GMNN: variants seen among roughly 807,000 people sequenced by gnomAD.
GMNN encodes the protein geminin DNA replication inhibitor, also known as geminin.
Under a neutral mutation model 20.9 loss-of-function variants are expected in GMNN, and 14 were observed. The ratio of observed to expected loss-of-function variants is 0.67; its 90% CI spans 0.44 to 1.05. The LOEUF (loss-of-function observed/expected upper bound fraction) is 1.05. Ranked by LOEUF, GMNN falls within the 50% of genes least tolerant of loss-of-function variation. GMNN has a pLI of 0.00. For missense variants in GMNN, 227 were observed against 243.8 expected (o/e 0.93, Z 0.46); for synonymous variants, 81 against 85.8 (o/e 0.94, Z 0.31).
intron 2 of GMNN, among the ~76,000 whole-genome samples, chr6:24,779,924 TCTA>T (rs1409877503): frequency 6.6e-6 from 1 of 152,198 alleles, no homozygotes; most frequent in African/African-American, 2.4e-5. Context: ...CAGAACTGCT[TCTA>T]CTATCAGGTA....
chr6:24,778,000 C>T (rs572262220), intron 2 of GMNN, among the ~76,000 whole-genome samples: 78 of 152,268 alleles, frequency 5.1e-4, no homozygotes, highest in African/African-American at 1.8e-3. Flanking sequence ...CTATATGATA[C>T]TTTCACTGGA....
At chr6:24,777,124 A>G in intron 1 of GMNN, 98 bp from the exon 2 acceptor site, 1 of 435,034 alleles carries the variant, frequency 2.3e-6, no homozygotes. Flanking sequence ...AAAAAATAAT[A>G]GTTCTACTGT....
intron 1 of GMNN, 46 bp downstream of exon 1, chr6:24,775,290 G>A (rs1029486564): frequency 2.0e-5 from 3 of 152,476 alleles, no homozygotes; most frequent in African/African-American, 7.2e-5. Context: ...CCGGGGCGGG[G>A]TTGGGAGGTG....
intron 2 of GMNN, among the ~76,000 whole-genome samples, chr6:24,780,360 AT>A (rs941840669): frequency 6.6e-6 from 1 of 152,250 alleles, no homozygotes; most frequent in Admixed American, 6.5e-5. Context: ...AAGAGCATGC[AT>A]TGAAATGAGA....
intron 2 of GMNN, among the ~76,000 whole-genome samples, chr6:24,780,303 T>C (rs1418180824): frequency 6.6e-6 from 1 of 152,220 alleles, no homozygotes; most frequent in African/African-American, 2.4e-5. Flanking sequence ...CTGAGGAATT[T>C]TGTTACGTTT....
At chr6:24,781,131 GA>G (rs1260878145) in intron 3 of GMNN, among the ~76,000 whole-genome samples, 2 of 152,092 alleles carry the variant, frequency 1.3e-5, no homozygotes, top group Non-Finnish European at 2.9e-5. Flanking sequence ...TTAAACCTGG[GA>G]GGTGGAGGTT....
intron 6 of GMNN, 56 bp downstream of exon 6, chr6:24,784,610 G>A: frequency 3.7e-6 from 3 of 800,436 alleles, no homozygotes; most frequent in South Asian, 3.0e-5. Context: ...ATAAAGTTGA[G>A]GTAGTGTAGT....
chr6:24,779,111 T>C (rs1267677441), intron 2 of GMNN, among the ~76,000 whole-genome samples: 1 of 152,198 alleles, frequency 6.6e-6, no homozygotes, highest in African/African-American at 2.4e-5. Context: ...ACTAGATCCT[T>C]GTGAGTTGCA....
In GMNN at chr6:24,780,640, AATGAATTATG is replaced by A. The variant is rs1780187321; in HGVS notation, c.52-22_52-13del. On this transcript the variant is annotated splice_polypyrimidine_tract_variant and intron_variant, in intron 2 of 6. Transcript: ENST00000230056. Reference sequence around the variant, plus strand: ...CCATATTGCAACTCAGTAACAAGATAATGAATTATGCTGACTTTTTAGAATAGTTCTGTCC... The same window carrying A: ...CCATATTGCAACTCAGTAACAAGATACTGACTTTTTAGAATAGTTCTGTCC... 7.3e-7 allele frequency: 1 copy of A among 1,361,522 alleles called. No individual in the cohort carries two copies. The allele number at this position is 1,361,522 out of a possible 1,614,324, so 84.3% of individuals were successfully genotyped here.
intron 2 of GMNN, among the ~76,000 whole-genome samples, chr6:24,778,996 G>A (rs1562191467): frequency 6.6e-6 from 1 of 152,084 alleles, no homozygotes; most frequent in African/African-American, 2.4e-5. Flanking sequence ...AGGATACTAG[G>A]TTCTGTTTGG....
Position 24,785,746 on chromosome 6 carries a change from A to G in GMNN, c.577A>G (p.Thr193Ala), listed in dbSNP as rs771779829. The G allele has an allele frequency of 1.9e-6, 3 of 1,590,098 alleles. No homozygotes were observed. Among genetic ancestry groups the G allele is most frequent in the Non-Finnish European group, 2.6e-6 (3 of 1,164,292 alleles). ...DSLVEDSEIG[T>A]CAEGTVSSST... is the part of the protein sequence containing the mutation. ...TCTAGTGGAAGACTCAGAAATTGGC[A>G]CGTGTGCTGAAGGAACTGTATCTTC... The change falls in exon 7 of 7, where the codon ACG (threonine) becomes GCG (alanine). Residue 193 changes from threonine (T) to alanine (A), a missense_variant. By Grantham distance (58) the Thr-to-Ala change is moderately conservative. Transcript: ENST00000230056.
At chr6:24,778,923 G>A (rs1390542692) in intron 2 of GMNN, among the ~76,000 whole-genome samples, 1 of 152,120 alleles carries the variant, frequency 6.6e-6, no homozygotes, top group Non-Finnish European at 1.5e-5. Flanking sequence ...TATATTTCCA[G>A]CAGATTACAT....
chr6:24,780,635 A>G (rs1241510121), intron 2 of GMNN, 28 bp from the exon 3 acceptor site: 2 of 1,281,206 alleles, frequency 1.6e-6, no homozygotes, highest in East Asian at 2.3e-5. Flanking sequence ...ACTCAGTAAC[A>G]AGATAATGAA....
At position 24,781,504 on chromosome 6, in the gene GMNN, C is replaced by A; in HGVS notation, c.157C>A (p.His53Asn). 1 of 1,596,886 alleles carries A rather than the reference C, an allele frequency of 6.3e-7. No individual in the cohort carries two copies. Among genetic ancestry groups the A allele is most frequent in the Non-Finnish European group, 8.6e-7 (1 of 1,166,812 alleles). The part of the protein sequence containing the change: ...ELSAGLSKRK[H>N]RNDHLTSTTS... Reference sequence around the variant, plus strand: ...GTCCGCAGGCTTGTCCAAAAGGAAACATCGGAATGACCACTTAACATCTAC... The same window carrying A: ...GTCCGCAGGCTTGTCCAAAAGGAAAAATCGGAATGACCACTTAACATCTAC... The change falls in exon 4 of 7, where the codon CAT (histidine) becomes AAT (asparagine). Residue 53 changes from histidine (H) to asparagine (N), a missense_variant. Coordinates refer to ENST00000230056, the MANE Select transcript of GMNN (RefSeq NM_015895.5).
rs776151277 is a variant in GMNN at position 24,777,239 on chromosome 6, T to G, written c.-8T>G. The G allele has an allele frequency of 7.4e-7, 1 of 1,358,586 alleles. No individual in the cohort carries two copies. The highest frequency in any genetic ancestry group is 2.2e-5 in the Admixed American group (1 of 46,334). The allele number at this position is 1,358,586 out of a possible 1,614,324, so 84.2% of individuals were successfully genotyped here. On this transcript the variant is annotated 5_prime_UTR_variant, in exon 2 of 7. Transcript: ENST00000230056. ...ATTACTAGTCTTCTGTGCTTCACCATCTACATAATGAATCCCAGTATGAAG... is the reference window on the plus strand; with the variant it reads ...ATTACTAGTCTTCTGTGCTTCACCAGCTACATAATGAATCCCAGTATGAAG...
At chr6:24,784,780 A>G (rs1780305671) in intron 6 of GMNN, among the ~76,000 whole-genome samples, 1 of 152,116 alleles carries the variant, frequency 6.6e-6, no homozygotes, top group Non-Finnish European at 1.5e-5. Context: ...CCTACCTTAT[A>G]GACTTGTTAT....
At chr6:24,777,138 A>G (rs755405989) in intron 1 of GMNN, 84 bp from the exon 2 acceptor site, 13 of 504,420 alleles carry the variant, frequency 2.6e-5, no homozygotes, top group Admixed American at 4.1e-5. Context: ...CTACTGTACA[A>G]TAGTATAATT....
chr6:24,776,243 G>A lies in GMNN; in HGVS notation c.-25-979G>A, dbSNP rs538400257. On this transcript the variant is annotated intron_variant, in intron 1 of 6. Transcript: ENST00000230056. ...CTCCCGAGTAGCTGGGACTACAGAC[G>A]AGCACCACCACGTCCGGCTAATTTT... 3.1e-4 allele frequency among the ~76,000 whole-genome samples: 47 copies of A among 152,174 alleles called. No individual in the cohort carries two copies. In the South Asian group the frequency reaches 9.5e-3, roughly 31 times the overall value.
In GMNN at chr6:24,785,747, C is replaced by A; in HGVS notation, c.578C>A (p.Thr193Lys). 6.3e-7 allele frequency: 1 copy of A among 1,588,740 alleles called. No homozygotes were observed. Among genetic ancestry groups the A allele is most frequent in the Non-Finnish European group, 8.6e-7 (1 of 1,163,508 alleles). Residue 193 changes from threonine to lysine, a missense_variant, in exon 7 of 7, where the codon ACG becomes AAG. Thr to Lys is a moderately conservative substitution (Grantham distance 78, BLOSUM62 -1). Transcript: ENST00000230056. The stretch of plus-strand genomic sequence containing the variant: ...CTAGTGGAAGACTCAGAAATTGGCA[C>A]GTGTGCTGAAGGAACTGTATCTTCC... ...DSLVEDSEIG[T>K]CAEGTVSSST... is the part of the protein sequence containing the mutation.
Sources: gnomAD v4.1 joint callset for allele counts (sites outside exome capture counted in the v4.1 genomes callset) on GRCh38, gnomAD v4.1.1 for gene constraint, MANE v1.5 for transcripts, NCBI Gene and HGNC (gene_info 2026-07-23, HGNC 2026-07-21) for gene names.